The following ADORA2B variants were observed in gnomAD, a reference collection of about 807,000 sequenced individuals.
ADORA2B encodes adenosine receptor A2b.
ADORA2B carries 18 observed loss-of-function variants against 20.8 expected under a neutral mutation model. The ratio of observed to expected loss-of-function variants is 0.87; its 90% CI spans 0.60 to 1.29. The LOEUF is 1.29. ADORA2B is among the 50% of genes most tolerant of loss of function. The pLI, the probability that ADORA2B is intolerant of heterozygous loss-of-function variation, is 0.00. For synonymous variants in ADORA2B, 179 were observed against 178.3 expected, an observed-to-expected ratio of 1.00 and a Z score of -0.03; for missense variants, 441 against 422.7, an observed-to-expected ratio of 1.04 and a Z score of -0.38.
the ADORA2B span, among the ~76,000 whole-genome samples, chr17:15,927,837 G>C: frequency 1.3e-5 from 2 of 152,172 alleles, no homozygotes; most frequent in African/African-American, 4.8e-5. Flanking sequence ...CGGATCAAGA[G>C]TCAGGCGCAA....
At chr17:15,958,525 G>A (rs886245089) in intron 1 of ADORA2B, among the ~76,000 whole-genome samples, 6 of 152,150 alleles carry the variant, frequency 3.9e-5, no homozygotes, top group African/African-American at 1.4e-4. Context: ...GCCTTAGGAT[G>A]TCATCCCAGA....
chr17:15,924,434 A>G, the ADORA2B span, among the ~76,000 whole-genome samples: 4 of 152,222 alleles, frequency 2.6e-5, no homozygotes, highest in Non-Finnish European at 4.4e-5. Context: ...TAAGTATATT[A>G]TAACTTTTCC....
the ADORA2B span, among the ~76,000 whole-genome samples, chr17:15,878,111 G>A: frequency 3.0e-3 from 446 of 150,958 alleles, 3 homozygotes; most frequent in African/African-American, 0.01. Flanking sequence ...CGCTTTATTC[G>A]TTTCTCCTGA....
intron 1 of ADORA2B, among the ~76,000 whole-genome samples, chr17:15,960,300 A>G (rs1970019212): frequency 1.2e-5 from 1 of 85,708 alleles, no homozygotes; most frequent in African/African-American, 3.8e-5. Flanking sequence ...CACGCCTGTA[A>G]TCCCAGCACT....
intron 1 of ADORA2B, among the ~76,000 whole-genome samples, chr17:15,962,254 GA>G (rs201212609): frequency 0.024 from 3,639 of 152,246 alleles, 92 homozygotes; most frequent in Non-Finnish European, 0.036. Context: ...AGTGAGCCAA[GA>G]TCGCGCCACT....
upstream of ADORA2B, among the ~76,000 whole-genome samples, chr17:15,943,063 C>T (rs1346666938): frequency 1.3e-5 from 2 of 152,164 alleles, no homozygotes; most frequent in East Asian, 1.9e-4. Flanking sequence ...GCTGTGGGAA[C>T]GTGATTGGTG....
rs761319250 is a variant in ADORA2B at position 15,974,707 on chromosome 17, G to C, written c.364G>C (p.Ala122Pro). ...TAAAAGTTTGGTCACGGGGACCCGA[G>C]CAAGAGGGGTCATTGCTGTCCTCTG... ...RYKSLVTGTR[A>P]RGVIAVLWVL... Residue 122 changes from alanine (A) to proline (P), a missense_variant, in exon 2 of 2, where the codon GCA (alanine) becomes CCA (proline). Transcript: ENST00000304222. 1.2e-6 allele frequency: 2 copies of C among 1,614,020 alleles called. No individual in the cohort carries two copies. The highest frequency in any genetic ancestry group is 1.7e-6 in the Non-Finnish European group (2 of 1,179,944).
chr17:15,937,189 G>T, the ADORA2B span, among the ~76,000 whole-genome samples: 2 of 152,212 alleles, frequency 1.3e-5, no homozygotes, highest in East Asian at 3.8e-4. Flanking sequence ...CCCAGGGTTT[G>T]TGGTTGATAC....
At chr17:15,861,227 G>A in the ADORA2B span, among the ~76,000 whole-genome samples, 42 of 152,194 alleles carry the variant, frequency 2.8e-4, no homozygotes, top group African/African-American at 9.7e-4. Context: ...ATACTAAATA[G>A]GCAAAGTACT....
intron 1 of ADORA2B, among the ~76,000 whole-genome samples, chr17:15,953,459 T>A (rs2151596751): frequency 6.6e-6 from 1 of 152,352 alleles, no homozygotes; most frequent in East Asian, 1.9e-4. Flanking sequence ...TCTTGGCATT[T>A]GCCCCGAGGG....
intron 1 of ADORA2B, among the ~76,000 whole-genome samples, chr17:15,960,812 GT>G (rs773158388): frequency 6.8e-6 from 1 of 147,560 alleles, no homozygotes; most frequent in East Asian, 2.1e-4. Context: ...GGAGACAGAG[GT>G]TGCAGTGAGC....
intron 1 of ADORA2B, among the ~76,000 whole-genome samples, chr17:15,968,849 A>G (rs1271031497): frequency 1.3e-5 from 2 of 152,148 alleles, no homozygotes; most frequent in Non-Finnish European, 2.9e-5. Context: ...GCAGGTGCAT[A>G]GGCGGTGGCA....
chr17:15,880,919 A>G, the ADORA2B span, among the ~76,000 whole-genome samples: 8 of 152,240 alleles, frequency 5.3e-5, no homozygotes, highest in African/African-American at 1.9e-4. Context: ...AGTAGGGCAT[A>G]TGCTTAAAGT....
intron 1 of ADORA2B, among the ~76,000 whole-genome samples, chr17:15,955,087 T>C (rs937112433): frequency 5.9e-5 from 9 of 152,220 alleles, no homozygotes; most frequent in South Asian, 2.1e-4. Flanking sequence ...TCTGAAATTT[T>C]CAAAGAATAC....
the ADORA2B span, among the ~76,000 whole-genome samples, chr17:15,863,705 T>C: frequency 6.6e-6 from 1 of 152,184 alleles, no homozygotes; most frequent in African/African-American, 2.4e-5. Context: ...TTGAAACCTG[T>C]AGAATGCTTT....
At chr17:15,851,150 A>T in the ADORA2B span, among the ~76,000 whole-genome samples, 1 of 151,452 alleles carries the variant, frequency 6.6e-6, no homozygotes, top group Non-Finnish European at 1.5e-5. Flanking sequence ...TTTGACCACT[A>T]AAGGGGCTAT....
chr17:15,923,721 C>T, the ADORA2B span, among the ~76,000 whole-genome samples: 1 of 151,948 alleles, frequency 6.6e-6, no homozygotes, highest in Admixed American at 6.6e-5. Context: ...GCCCATATTT[C>T]TTAGTGAGTG....
chr17:15,880,790 G>T, the ADORA2B span, among the ~76,000 whole-genome samples: 1 of 152,182 alleles, frequency 6.6e-6, no homozygotes, highest in Non-Finnish European at 1.5e-5. Flanking sequence ...GCCTAGCAGC[G>T]CCAGGGTTCC....
At chr17:15,892,918 G>A in the ADORA2B span, among the ~76,000 whole-genome samples, 1 of 152,134 alleles carries the variant, frequency 6.6e-6, no homozygotes. Context: ...GCAAGCGAAA[G>A]CATCTTCTAG....
Sources: allele counts gnomAD v4.1 joint callset (sites outside exome capture counted in the v4.1 genomes callset), GRCh38; gene constraint gnomAD v4.1.1; transcripts MANE v1.5; gene names NCBI Gene and HGNC (gene_info 2026-07-23, HGNC 2026-07-21).